Variants in ALOX5 observed in about 807,000 individuals in gnomAD.
ALOX5 encodes polyunsaturated fatty acid 5-lipoxygenase.
ALOX5 carries 64 observed loss-of-function variants against 87.9 expected under a neutral mutation model. That is an observed-to-expected ratio of 0.73 (90% confidence interval 0.60 to 0.90). ALOX5 has a LOEUF of 0.90. ALOX5 is among the 40% of genes least tolerant of loss of function. The pLI is 0.00. For synonymous variants in ALOX5, 388 were observed against 355.1 expected (o/e 1.09, Z -1.04); for missense variants, 822 against 907.5 (o/e 0.91, Z 1.21).
Position 45,388,730 on chromosome 10 carries a change from A to G in ALOX5, c.349+6049A>G, listed in dbSNP as rs1017406232. Among the ~76,000 whole-genome samples, 8 of 152,242 alleles carry G rather than the reference A, an allele frequency of 5.3e-5. No individual in the cohort carries two copies. In the East Asian group the frequency reaches 1.2e-3, roughly 22 times the overall value. Reference sequence around the variant, plus strand: ...TCAAAGACCAAAGGTAAATAAAACCACAAAGATGGGGAAAAACAGAGCAGA... The same window carrying G: ...TCAAAGACCAAAGGTAAATAAAACCGCAAAGATGGGGAAAAACAGAGCAGA... On this transcript the variant is annotated intron_variant, in intron 2 of 13. Coordinates refer to ENST00000374391, the MANE Select transcript of ALOX5 (RefSeq NM_000698.5).
At chr10:45,381,235 C>T (rs1361288989) in intron 1 of ALOX5, among the ~76,000 whole-genome samples, 1 of 152,258 alleles carries the variant, frequency 6.6e-6, no homozygotes, top group African/African-American at 2.4e-5. Context: ...TAGCCTCACC[C>T]TGCCACCAGT....
At chr10:45,391,945 A>G (rs1449183302) in intron 2 of ALOX5, among the ~76,000 whole-genome samples, 1 of 149,106 alleles carries the variant, frequency 6.7e-6, no homozygotes, top group African/African-American at 2.5e-5. Flanking sequence ...CTGGGAAGTG[A>G]GGAGCGTCTC....
intron 3 of ALOX5, among the ~76,000 whole-genome samples, chr10:45,406,881 A>C (rs977919106): frequency 4.6e-5 from 7 of 152,230 alleles, no homozygotes; most frequent in African/African-American, 1.7e-4. Flanking sequence ...AATTCCCAAA[A>C]CAAGTAGTGG....
rs1053114916 is a variant in ALOX5, at chr10:45,428,606, T to C, written c.835-12T>C. ...TGAGCCTGATTTGGACACATCTCTC[T>C]GCCTCCTGCAGCAAGGGAACATTTT... On this transcript the variant is annotated splice_polypyrimidine_tract_variant and intron_variant, in intron 6 of 13. Transcript: ENST00000374391. 2.5e-6 allele frequency: 4 copies of C among 1,613,980 alleles called. No homozygotes were observed. Among genetic ancestry groups the C allele is most frequent in the Admixed American group, 3.3e-5 (2 of 60,016 alleles).
intron 1 of ALOX5, among the ~76,000 whole-genome samples, chr10:45,378,430 G>A (rs984789697): frequency 2.0e-5 from 3 of 152,122 alleles, no homozygotes; most frequent in African/African-American, 7.2e-5. Context: ...TCACTCGCTC[G>A]GCCATTCCCA....
intron 2 of ALOX5, among the ~76,000 whole-genome samples, chr10:45,394,597 G>A (rs371297791): frequency 6.6e-6 from 1 of 151,932 alleles, no homozygotes; most frequent in Admixed American, 6.6e-5. Flanking sequence ...AAGCCAAAAT[G>A]GACAAATGGG....
At chr10:45,413,555 C>T (rs1038433422) in intron 4 of ALOX5, among the ~76,000 whole-genome samples, 14 of 152,272 alleles carry the variant, frequency 9.2e-5, no homozygotes, top group South Asian at 4.2e-4. Flanking sequence ...CCCTCTCTCA[C>T]CACTCCTATT....
At chr10:45,382,915 C>T (rs188312573) in intron 2 of ALOX5, among the ~76,000 whole-genome samples, 1 of 152,380 alleles carries the variant, frequency 6.6e-6, no homozygotes, top group East Asian at 1.9e-4. Flanking sequence ...TGTCCTCACT[C>T]TGCGCTACAG....
At chr10:45,381,353 T>C (rs1839820851) in intron 1 of ALOX5, among the ~76,000 whole-genome samples, 1 of 152,256 alleles carries the variant, frequency 6.6e-6, no homozygotes, top group South Asian at 2.1e-4. Context: ...GCAAGCTCCC[T>C]GTATCTAAGC....
intron 3 of ALOX5, among the ~76,000 whole-genome samples, chr10:45,402,448 G>T (rs1840735844): frequency 6.6e-6 from 1 of 152,188 alleles, no homozygotes; most frequent in East Asian, 1.9e-4. Flanking sequence ...TGGGCCACTG[G>T]ACATGCATCT....
chr10:45,376,356 G>C (rs1216464834), intron 1 of ALOX5, among the ~76,000 whole-genome samples: 2 of 140,664 alleles, frequency 1.4e-5, no homozygotes, highest in South Asian at 2.6e-4. Context: ...GGGGGTGGGG[G>C]CTACCGCAGG....
At position 45,444,201 on chromosome 10, in the gene ALOX5, A is replaced by C. The variant is rs1301914501; in HGVS notation, c.1760A>C (p.Gln587Pro). ...GCCAAGGGCGTGGTGACCATTGAGC[A>C]GATCGTGGACACGCTGCCCGACCGC... ...PTAKGVVTIE[Q>P]IVDTLPDRGR... Residue 587 changes from glutamine (Q) to proline (P), a missense_variant, in exon 13 of 14, where the codon CAG (glutamine) becomes CCG (proline). By Grantham distance (76) the Gln-to-Pro change is moderately conservative. Coordinates refer to ENST00000374391, the MANE Select transcript of ALOX5 (RefSeq NM_000698.5). The C allele has an allele frequency of 1.3e-6, 2 of 1,556,398 alleles. No homozygotes were observed. Among genetic ancestry groups the C allele is most frequent in the Non-Finnish European group, 1.7e-6 (2 of 1,149,974 alleles).
intron 7 of ALOX5, among the ~76,000 whole-genome samples, chr10:45,432,401 A>G (rs1017782287): frequency 6.6e-6 from 1 of 151,682 alleles, no homozygotes; most frequent in Non-Finnish European, 1.5e-5. Flanking sequence ...CAGAAGGAAC[A>G]CTTTCCTTGC....
In ALOX5 at chr10:45,431,949, T is replaced by C. The variant is rs553616280; in HGVS notation, c.981+3185T>C. Among the ~76,000 whole-genome samples the C allele has an allele frequency of 2.6e-4, 40 of 152,200 alleles. 1 individual carries two copies. In the South Asian group the frequency reaches 8.3e-3, roughly 32 times the overall value. On this transcript the variant is annotated intron_variant, in intron 7 of 13. Transcript: ENST00000374391. ...TATTGGGGAGGAAACTGTAAAAATG[T>C]CAGTTCTACCAAATTCTATTATAAA...
intron 7 of ALOX5, among the ~76,000 whole-genome samples, chr10:45,437,758 G>A (rs188668832): frequency 6.6e-5 from 10 of 152,306 alleles, no homozygotes; most frequent in Admixed American, 1.3e-4. Flanking sequence ...TTAGCCAGTC[G>A]GGTTTTAGTT....
chr10:45,421,899 C>T (rs1296322222), intron 4 of ALOX5, among the ~76,000 whole-genome samples: 1 of 152,252 alleles, frequency 6.6e-6, no homozygotes, highest in Non-Finnish European at 1.5e-5. Context: ...AGTACACCCT[C>T]TCGGTCACCT....
At chr10:45,399,699 A>C (rs539041736) in intron 3 of ALOX5, among the ~76,000 whole-genome samples, 35 of 152,350 alleles carry the variant, frequency 2.3e-4, no homozygotes, top group African/African-American at 8.4e-4. Context: ...ATAAAGTGAA[A>C]AGACAATCCA....
At chr10:45,386,597 G>C (rs1387768283) in intron 2 of ALOX5, among the ~76,000 whole-genome samples, 1 of 151,740 alleles carries the variant, frequency 6.6e-6, no homozygotes, top group East Asian at 1.9e-4. Flanking sequence ...AAAAAGACTT[G>C]GATTTTGAAT....
Position 45,424,996 on chromosome 10 carries a change from T to G in ALOX5, c.698T>G (p.Phe233Cys), listed in dbSNP as rs531029717. ...VMNHWQEDLM[F>C]GYQFLNGCNP... ...AATCACTGGCAGGAAGACCTGATGT[T>G]TGGCTACCAGTTCCTGAATGGCTGC... Residue 233 changes from phenylalanine to cysteine, a missense_variant, in exon 6 of 14, where the codon TTT (phenylalanine) becomes TGT (cysteine). Transcript: ENST00000374391. 1.2e-6 allele frequency: 2 copies of G among 1,614,184 alleles called. No individual in the cohort carries two copies. Among genetic ancestry groups the G allele is most frequent in the South Asian group, 2.2e-5 (2 of 91,070 alleles).
Sources: allele counts gnomAD v4.1 joint callset (sites outside exome capture counted in the v4.1 genomes callset), GRCh38; gene constraint gnomAD v4.1.1; transcripts MANE v1.5; gene names NCBI Gene and HGNC (gene_info 2026-07-23, HGNC 2026-07-21).